The following LMX1A variants were observed in gnomAD, a reference collection of about 807,000 sequenced individuals.
LMX1A encodes LIM homeobox transcription factor 1-alpha.
Under a neutral mutation model 49.1 loss-of-function variants are expected in LMX1A, and 15 were observed. That is an observed-to-expected ratio of 0.31 (90% confidence interval 0.20 to 0.47). LMX1A has a LOEUF of 0.47. LMX1A is among the 20% of genes least tolerant of loss of function. The probability of loss-of-function intolerance (pLI) is 1.00; values close to 1 mark genes in which losing one functional copy is unlikely to be tolerated. For missense variants in LMX1A, 372 were observed against 475.8 expected, an observed-to-expected ratio of 0.78 and a Z score of 2.03; for synonymous variants, 167 against 185.7, an observed-to-expected ratio of 0.90 and a Z score of 0.82.
At chr1:165,254,586 C>T (rs1403937595) in intron 3 of LMX1A, among the ~76,000 whole-genome samples, 3 of 152,156 alleles carry the variant, frequency 2.0e-5, no homozygotes, top group African/African-American at 7.2e-5. Context: ...GTACGGCTAC[C>T]GCTGTGGACC....
intron 3 of LMX1A, among the ~76,000 whole-genome samples, chr1:165,314,458 G>A (rs991685701): frequency 3.3e-5 from 5 of 152,174 alleles, no homozygotes; most frequent in Non-Finnish European, 7.3e-5. Context: ...GAGACAGGGT[G>A]CAGTAGCTCT....
At position 165,203,758 on chromosome 1, in the gene LMX1A, C is replaced by T. The variant is rs1328087139; in HGVS notation, c.*122G>A. ...ACACCATATCATTATACAACAGCAT[C>T]CCCAACAAAACTCCCTCCCCAACCC... On this transcript the variant is annotated 3_prime_UTR_variant, in exon 9 of 9. Coordinates refer to ENST00000342310, the MANE Select transcript of LMX1A (RefSeq NM_177398.4). 6.6e-6 allele frequency: 5 copies of T among 760,522 alleles called. No homozygotes were observed. Among genetic ancestry groups the T allele is most frequent in the Non-Finnish European group, 1.1e-5 (5 of 449,730 alleles). The allele number at this position is 760,522 out of a possible 1,614,324, so 47.1% of individuals were successfully genotyped here.
At chr1:165,303,786 C>G (rs773035945) in intron 3 of LMX1A, among the ~76,000 whole-genome samples, 26 of 152,196 alleles carry the variant, frequency 1.7e-4, no homozygotes, top group Non-Finnish European at 2.9e-4. Flanking sequence ...CCTAAGACCC[C>G]TCTGCTCTAA....
intron 4 of LMX1A, among the ~76,000 whole-genome samples, chr1:165,223,789 T>C (rs1201653683): frequency 6.7e-6 from 1 of 148,502 alleles, no homozygotes; most frequent in Non-Finnish European, 1.5e-5. Flanking sequence ...AACAGTATCC[T>C]AAGCTCTAAG....
chr1:165,345,800 G>A (rs1656225918), intron 3 of LMX1A, among the ~76,000 whole-genome samples: 1 of 152,170 alleles, frequency 6.6e-6, no homozygotes, highest in Non-Finnish European at 1.5e-5. Context: ...AGGCTAAGGT[G>A]GGAGGATCGC....
At chr1:165,236,961 T>C (rs1032184328) in intron 4 of LMX1A, among the ~76,000 whole-genome samples, 2 of 152,104 alleles carry the variant, frequency 1.3e-5, no homozygotes, top group Non-Finnish European at 2.9e-5. Context: ...TTATTGATGG[T>C]TTCCTTCTAC....
chr1:165,291,218 C>A (rs926726427), intron 3 of LMX1A, among the ~76,000 whole-genome samples: 3 of 152,200 alleles, frequency 2.0e-5, no homozygotes, highest in Admixed American at 2.0e-4. Flanking sequence ...AACTTCTGGT[C>A]TAGAGCACTG....
At chr1:165,322,112 A>G (rs1291793759) in intron 3 of LMX1A, among the ~76,000 whole-genome samples, 4 of 152,192 alleles carry the variant, frequency 2.6e-5, no homozygotes, top group African/African-American at 9.6e-5. Context: ...AATGCAAATC[A>G]AAACCAGAAT....
intron 3 of LMX1A, among the ~76,000 whole-genome samples, chr1:165,337,069 TTTTG>T (rs1655919802): frequency 1.3e-5 from 2 of 152,148 alleles, no homozygotes; most frequent in Admixed American, 6.5e-5. Context: ...GAGAAATGTA[TTTTG>T]TTTATTTTCT....
At chr1:165,279,046 GA>G (rs1262816168) in intron 3 of LMX1A, among the ~76,000 whole-genome samples, 2 of 152,220 alleles carry the variant, frequency 1.3e-5, no homozygotes, top group Admixed American at 6.5e-5. Flanking sequence ...AATTTTGGAG[GA>G]GTCCAAAATT....
intron 3 of LMX1A, among the ~76,000 whole-genome samples, chr1:165,269,509 A>G (rs540447307): frequency 3.4e-4 from 52 of 152,368 alleles, no homozygotes; most frequent in Non-Finnish European, 6.9e-4. Context: ...ACTTAGAACC[A>G]GAAATACCAT....
chr1:165,249,740 G>A (rs1414283625), intron 3 of LMX1A, 100 bp from the exon 4 acceptor site: 6 of 766,324 alleles, frequency 7.8e-6, no homozygotes, highest in Non-Finnish European at 1.1e-5. Flanking sequence ...TCAAGAACTG[G>A]GATATGAACG....
chr1:165,256,266 G>A (rs184771243), intron 3 of LMX1A, among the ~76,000 whole-genome samples: 60 of 152,292 alleles, frequency 3.9e-4, no homozygotes, highest in African/African-American at 1.3e-3. Context: ...GACTTGGCAT[G>A]AGAAATCTGG....
In LMX1A at chr1:165,204,993, C is replaced by T. The variant is rs372379032; in HGVS notation, c.988+871G>A. ...GGGAAAGTAGGCGTGATTTTAACAA[C>T]AGAATTTTTTTTCATGAAGGCAAAA... On this transcript the variant is annotated intron_variant, in intron 8 of 8. Transcript: ENST00000342310. 1.1e-4 allele frequency among the ~76,000 whole-genome samples: 17 copies of T among 151,802 alleles called. 1 individual carries two copies. Among genetic ancestry groups the T allele is most frequent in the Admixed American group, 7.9e-4 (12 of 15,272 alleles).
At chr1:165,244,715 C>G (rs954132127) in intron 4 of LMX1A, among the ~76,000 whole-genome samples, 5 of 152,102 alleles carry the variant, frequency 3.3e-5, no homozygotes, top group African/African-American at 4.8e-5. Context: ...GGAACTTGGA[C>G]TGGATAAACT....
chr1:165,350,717 A>G (rs1166277200), intron 3 of LMX1A, among the ~76,000 whole-genome samples: 7 of 152,362 alleles, frequency 4.6e-5, no homozygotes, highest in African/African-American at 1.7e-4. Flanking sequence ...AAAGGAATAA[A>G]TTAATCTAAC....
chr1:165,312,484 A>G (rs995205167), intron 3 of LMX1A, among the ~76,000 whole-genome samples: 1 of 151,848 alleles, frequency 6.6e-6, no homozygotes, highest in African/African-American at 2.4e-5. Context: ...GCTGGGCTCT[A>G]TGACAGGGGA....
In LMX1A at chr1:165,236,792, A is replaced by G. The variant is rs1418585086; in HGVS notation, c.496+12616T>C. On this transcript the variant is annotated intron_variant, in intron 4 of 8. Transcript: ENST00000342310. ...TAGGAAGCTTTAAAAAAAAAAAAAA[A>G]ATCCCAGGCTGCACCCCAGACCATT... Among the ~76,000 whole-genome samples, 3 of 125,002 alleles carry G rather than the reference A, an allele frequency of 2.4e-5. No homozygotes were observed. The South Asian group carries it at 7.9e-4, about 33-fold the overall frequency. The allele number at this position is 125,002 out of a possible 152,430, so 82.0% of individuals were successfully genotyped here. A position where few individuals can be genotyped will look rare whatever the true frequency, so the allele number is the denominator to read the frequency against.
chr1:165,353,345 C>G lies in LMX1A; in HGVS notation c.77-83G>C. On this transcript the variant is annotated intron_variant, in intron 2 of 8. Transcript: ENST00000342310. ...CCTGGCCGGGACCCGCTCCTGATCC[C>G]TTCACATCCACGGATTCCCCCAGCG... 4 of 1,115,124 alleles carry G rather than the reference C, an allele frequency of 3.6e-6. No homozygotes were observed. In the East Asian group the frequency reaches 1.0e-4, roughly 28 times the overall value. 69.1% of individuals were successfully genotyped at this position (1,115,124 alleles called of 1,614,324 possible).
Sources: allele counts gnomAD v4.1 joint callset (sites outside exome capture counted in the v4.1 genomes callset), GRCh38; gene constraint gnomAD v4.1.1; transcripts MANE v1.5; gene names NCBI Gene and HGNC (gene_info 2026-07-23, HGNC 2026-07-21).